RNF128: variants seen among roughly 807,000 people sequenced by gnomAD.
The protein encoded by RNF128 is E3 ubiquitin-protein ligase RNF128.
Under a neutral mutation model 26.2 loss-of-function variants are expected in RNF128, and 13 were observed. The ratio of observed to expected loss-of-function variants is 0.50; its 90% CI spans 0.32 to 0.79. The LOEUF (loss-of-function observed/expected upper bound fraction) is 0.79. Among genes scored for constraint, RNF128 ranks in the 30% least tolerant of loss-of-function variants. RNF128 has a pLI of 0.03. For missense variants in RNF128, 315 were observed against 349.7 expected (o/e 0.90, Z 0.79); for synonymous variants, 149 against 142.5 (o/e 1.05, Z -0.32).
chrX:106,788,115 T>A, intron 4 of RNF128, 115 bp downstream of exon 4: 1 of 393,640 alleles, frequency 2.5e-6, no homozygotes, highest in Non-Finnish European at 4.1e-6. Flanking sequence ...GTTTATTTTT[T>A]AACTTATCTT....
chrX:106,709,516 T>G lies in RNF128; in HGVS notation c.406+15108T>G, dbSNP rs1403992525. On this transcript the variant is annotated intron_variant, in intron 1 of 6. Transcript: ENST00000324342. ...AAGCTGTGGTGGTTTTGTGTTGTTT[T>G]ATATTTACTTGGAACATTTTTAACT... is the stretch of plus-strand genomic sequence containing the variant. Among the ~76,000 whole-genome samples, 3 of 111,867 alleles carry G rather than the reference T, an allele frequency of 2.7e-5. No individual in the cohort carries two copies. In the East Asian group the frequency reaches 8.3e-4, roughly 31 times the overall value.
At chrX:106,780,092 AC>A (rs1930538707) in intron 2 of RNF128, among the ~76,000 whole-genome samples, 1 of 111,321 alleles carries the variant, frequency 9.0e-6, no homozygotes, top group Non-Finnish European at 1.9e-5. Flanking sequence ...CTTTTTGCAC[AC>A]CCTGTCCTCC....
chrX:106,709,683 A>T (rs1253989998), intron 1 of RNF128, among the ~76,000 whole-genome samples: 1 of 110,811 alleles, frequency 9.0e-6, no homozygotes, highest in East Asian at 2.8e-4. Context: ...AGTAGCTGGG[A>T]TTACAGGCAG....
intron 1 of RNF128, among the ~76,000 whole-genome samples, chrX:106,756,587 CAAGATGGATTAAAG>C (rs1930014245): frequency 9.2e-6 from 1 of 109,199 alleles, no homozygotes; most frequent in Admixed American, 9.7e-5. Flanking sequence ...AAAATCAATT[CAAGATGGATTAAAG>C]ATTTAAACGT....
chrX:106,713,126 C>T (rs1929157679), intron 1 of RNF128, among the ~76,000 whole-genome samples: 1 of 108,052 alleles, frequency 9.3e-6, no homozygotes, highest in East Asian at 3.0e-4. Context: ...AGTCGTCCCC[C>T]ACCCCCCGCC....
At chrX:106,795,487 A>T in intron 6 of RNF128, 93 bp from the exon 7 acceptor site, 1 of 853,552 alleles carries the variant, frequency 1.2e-6, no homozygotes, top group Non-Finnish European at 1.6e-6. Context: ...TGTTGAAATT[A>T]AATAAGAAAG....
intron 1 of RNF128, among the ~76,000 whole-genome samples, chrX:106,733,794 G>A (rs1367630008): frequency 3.6e-5 from 4 of 110,385 alleles, no homozygotes; most frequent in South Asian, 3.9e-4. Context: ...TCCTCTTCCC[G>A]GGTTCAAGTG....
intron 1 of RNF128, among the ~76,000 whole-genome samples, chrX:106,711,105 T>C (rs1268418341): frequency 8.9e-6 from 1 of 112,128 alleles, no homozygotes; most frequent in Admixed American, 9.4e-5. Context: ...TCACTGAATC[T>C]AATTCCTCAT....
intron 1 of RNF128, among the ~76,000 whole-genome samples, chrX:106,704,197 G>T (rs184607582): frequency 9.1e-6 from 1 of 109,658 alleles, no homozygotes; most frequent in South Asian, 3.9e-4. Flanking sequence ...GCACTTTGGG[G>T]GGCCAAGAAG....
intron 1 of RNF128, among the ~76,000 whole-genome samples, chrX:106,757,694 C>G (rs1469298631): frequency 1.9e-5 from 2 of 104,405 alleles, no homozygotes; most frequent in Non-Finnish European, 3.9e-5. Flanking sequence ...TGTAACTAAC[C>G]TGCACAATGT....
intron 1 of RNF128, among the ~76,000 whole-genome samples, chrX:106,704,206 A>T (rs181648143): frequency 9.1e-6 from 1 of 109,697 alleles, no homozygotes; most frequent in African/African-American, 3.3e-5. Flanking sequence ...GGGGCCAAGA[A>T]GGGCAGATCA....
Position 106,772,921 on chromosome X carries a change from G to T in RNF128, c.493G>T (p.Asp165Tyr). The change falls in exon 2 of 7, where the codon GAC becomes TAC. Residue 165 changes from aspartate (D) to tyrosine (Y), a missense_variant. Coordinates refer to ENST00000255499, the MANE Select transcript of RNF128 (RefSeq NM_194463.2). ...TTTGTTTTATTTTACAGGTGCAGTA[G>T]ACATTGTTGCAATCATGATCGGCAA... ...VIPMSHPGAV[D>Y]IVAIMIGNLK... is the part of the protein sequence containing the mutation. The T allele has an allele frequency of 8.3e-7, 1 of 1,208,824 alleles. No homozygotes were observed. Among genetic ancestry groups the T allele is most frequent in the South Asian group, 1.8e-5 (1 of 56,365 alleles).
At chrX:106,763,370 G>A (rs1289256217) in intron 1 of RNF128, among the ~76,000 whole-genome samples, 2 of 111,649 alleles carry the variant, frequency 1.8e-5, no homozygotes, top group Non-Finnish European at 3.8e-5. Flanking sequence ...ACTAAACTAG[G>A]TGACCAGAGG....
At position 106,766,739 on chromosome X, in the gene RNF128, T is replaced by G. The variant is rs769694033; in HGVS notation, c.485-6174T>G. 8.0e-5 allele frequency among the ~76,000 whole-genome samples: 9 copies of G among 112,210 alleles called. No individual in the cohort carries two copies. The East Asian group carries it at 2.5e-3, about 31-fold the overall frequency. The stretch of plus-strand genomic sequence containing the variant: ...TTTAATTAGATCCCATTTGTCAATT[T>G]TGGCTTTTGTTGCCATTGCTTTTGG... On this transcript the variant is annotated intron_variant, in intron 1 of 6. Transcript: ENST00000255499.
chrX:106,765,118 A>G (rs1325460934), intron 1 of RNF128, among the ~76,000 whole-genome samples: 1 of 112,153 alleles, frequency 8.9e-6, no homozygotes, highest in East Asian at 2.8e-4. Context: ...AAGGTGAGTC[A>G]TTAATCTCTA....
chrX:106,761,953 T>A (rs1311868590), intron 1 of RNF128, among the ~76,000 whole-genome samples: 1 of 109,677 alleles, frequency 9.1e-6, no homozygotes, highest in South Asian at 3.9e-4. Flanking sequence ...TTTTTTTTTT[T>A]AAAGACCCTT....
intron 1 of RNF128, among the ~76,000 whole-genome samples, chrX:106,730,514 T>C (rs1262555387): frequency 8.9e-6 from 1 of 112,143 alleles, no homozygotes; most frequent in African/African-American, 3.2e-5. Flanking sequence ...TAAAACCATC[T>C]AAAATGTAAG....
chrX:106,783,969 C>T lies in RNF128; in HGVS notation c.733-1096C>T, dbSNP rs192185485. 5.4e-5 allele frequency among the ~76,000 whole-genome samples: 6 copies of T among 111,224 alleles called. No homozygotes were observed. The East Asian group carries it at 1.1e-3, about 21-fold the overall frequency. On this transcript the variant is annotated intron_variant, in intron 2 of 6. Transcript: ENST00000255499. ...TCCATGACCCAAATACCTCCCACCA[C>T]GCCCCACCTCCAACATTGGGGGTCA...
chrX:106,756,306 G>T (rs797001782), intron 1 of RNF128, among the ~76,000 whole-genome samples: 550 of 110,725 alleles, frequency 5.0e-3, no homozygotes, highest in South Asian at 0.026. Context: ...AGAACAAAGC[G>T]GGAGGCATCA....
Sources: allele counts gnomAD v4.1 joint callset (sites outside exome capture counted in the v4.1 genomes callset), GRCh38; gene constraint gnomAD v4.1.1; transcripts MANE v1.5; gene names NCBI Gene and HGNC (gene_info 2026-07-23, HGNC 2026-07-21).